Variants in KLRG2 observed in about 807,000 individuals in gnomAD.
KLRG2 encodes killer cell lectin-like receptor subfamily G member 2.
Under a neutral mutation model 35.4 loss-of-function variants are expected in KLRG2, and 39 were observed. The observed-to-expected ratio is 1.10, with a 90% confidence interval of 0.85 to 1.44. The LOEUF (loss-of-function observed/expected upper bound fraction) is 1.44. Ranked by LOEUF, KLRG2 falls within the 40% of genes most tolerant of loss-of-function variation. The probability of loss-of-function intolerance (pLI) is 0.00; values close to 1 mark genes in which losing one functional copy is unlikely to be tolerated. For synonymous variants in KLRG2, 283 were observed against 265.8 expected, an observed-to-expected ratio of 1.06 and a Z score of -0.63; for missense variants, 632 against 570.9, an observed-to-expected ratio of 1.11 and a Z score of -1.09.
the KLRG2 span, among the ~76,000 whole-genome samples, chr7:139,440,852 C>A: frequency 2.6e-5 from 4 of 152,200 alleles, no homozygotes; most frequent in African/African-American, 9.6e-5. Context: ...TCTATAACAG[C>A]AGGCTCTATT....
At chr7:139,480,364 C>T (rs1796934638) in intron 1 of KLRG2, 117 bp from the exon 2 acceptor site, 6 of 630,048 alleles carry the variant, frequency 9.5e-6, no homozygotes, top group Non-Finnish European at 1.7e-5. Context: ...CACCCACCCC[C>T]TCAGCCTGGG....
chr7:139,481,278 C>T (rs377556054), intron 1 of KLRG2, among the ~76,000 whole-genome samples: 2 of 152,168 alleles, frequency 1.3e-5, no homozygotes, highest in Non-Finnish European at 2.9e-5. Context: ...TCTGACTTAA[C>T]GGAACTGTAA....
At chr7:139,476,521 A>C (rs888676752) in intron 3 of KLRG2, among the ~76,000 whole-genome samples, 4 of 151,576 alleles carry the variant, frequency 2.6e-5, no homozygotes, top group Admixed American at 2.6e-4. Flanking sequence ...GGCTCACTGC[A>C]TCCTGTCTTC....
chr7:139,461,327 C>T (rs749603217), intron 3 of KLRG2, among the ~76,000 whole-genome samples: 65 of 152,094 alleles, frequency 4.3e-4, no homozygotes, highest in Non-Finnish European at 6.5e-4. Context: ...CTGAGCCAGG[C>T]CTTTGGTGCA....
At chr7:139,451,456 T>C (rs1308586236), downstream of KLRG2, among the ~76,000 whole-genome samples, 1 of 152,022 alleles carries the variant, frequency 6.6e-6, no homozygotes, top group Non-Finnish European at 1.5e-5. Context: ...GCCGAGACAG[T>C]GACACTGTGC....
chr7:139,443,085 GA>G, the KLRG2 span, among the ~76,000 whole-genome samples: 60 of 136,474 alleles, frequency 4.4e-4, 1 homozygote, highest in Middle Eastern at 3.9e-3. Context: ...AATGGAACAG[GA>G]AAAAAAACTT....
chr7:139,482,816 C>G, intron 1 of KLRG2, 70 bp downstream of exon 1: 1 of 1,306,166 alleles, frequency 7.7e-7, no homozygotes, highest in Non-Finnish European at 9.8e-7. Context: ...CAGGGCTGGG[C>G]GGGTGTGGGG....
the KLRG2 span, among the ~76,000 whole-genome samples, chr7:139,445,809 G>GTATATATATATATATGTAT: frequency 1.1e-5 from 1 of 89,612 alleles, no homozygotes; most frequent in African/African-American, 1.1e-4. Flanking sequence ...ATATATATAT[G>GTATATATATATATATGTAT]ACGGAGTTTT....
At chr7:139,466,626 A>G (rs973037812) in intron 3 of KLRG2, among the ~76,000 whole-genome samples, 3 of 151,936 alleles carry the variant, frequency 2.0e-5, no homozygotes, top group South Asian at 2.1e-4. Context: ...CCACCACACT[A>G]TCAATCTCAG....
the KLRG2 span, among the ~76,000 whole-genome samples, chr7:139,433,447 T>C: frequency 6.6e-6 from 1 of 152,096 alleles, no homozygotes; most frequent in African/African-American, 2.4e-5. Context: ...TGCCTCAGTC[T>C]CCCGAGTAGC....
chr7:139,437,845 A>G, the KLRG2 span, among the ~76,000 whole-genome samples: 1 of 152,220 alleles, frequency 6.6e-6, no homozygotes, highest in Non-Finnish European at 1.5e-5. Context: ...TCTCTGGTCC[A>G]GTTCTTTGCC....
At chr7:139,446,270 G>A in the KLRG2 span, among the ~76,000 whole-genome samples, 2 of 151,854 alleles carry the variant, frequency 1.3e-5, no homozygotes, top group African/African-American at 2.4e-5. Context: ...CAAAATCAGG[G>A]TGCCAGCAGA....
intron 3 of KLRG2, among the ~76,000 whole-genome samples, chr7:139,464,969 G>A (rs139818280): frequency 1.4e-4 from 21 of 152,266 alleles, no homozygotes; most frequent in Non-Finnish European, 2.8e-4. Context: ...TTACTGGCCC[G>A]GACTTCAATC....
the KLRG2 span, among the ~76,000 whole-genome samples, chr7:139,442,748 G>A: frequency 1.3e-5 from 2 of 152,164 alleles, no homozygotes; most frequent in Admixed American, 6.6e-5. Context: ...TCAGGAGGCT[G>A]AGCCCAGGAG....
At chr7:139,461,662 A>AC (rs1472642247) in intron 3 of KLRG2, among the ~76,000 whole-genome samples, 2 of 151,114 alleles carry the variant, frequency 1.3e-5, no homozygotes, top group African/African-American at 2.4e-5. Context: ...GCACCTTATG[A>AC]CCCCCGCCCC....
chr7:139,474,206 AGTAGAGATAGGGTATCACCATGTTGC>A (rs1407127167), intron 3 of KLRG2, among the ~76,000 whole-genome samples: 17 of 151,916 alleles, frequency 1.1e-4, no homozygotes, highest in African/African-American at 4.1e-4. Flanking sequence ...GTGTATTTTT[AGTAGAGATAGGGTATCACCATGTTGC>A]GTAGGCTGAT....
chr7:139,439,482 T>C, the KLRG2 span, among the ~76,000 whole-genome samples: 20,187 of 152,054 alleles, frequency 0.13, 2,487 homozygotes, highest in African/African-American at 0.33. Flanking sequence ...GAAAGGTGGG[T>C]GAGGCCAAGT....
chr7:139,431,572 C>A, the KLRG2 span, among the ~76,000 whole-genome samples: 1 of 152,152 alleles, frequency 6.6e-6, no homozygotes, highest in Non-Finnish European at 1.5e-5. Flanking sequence ...TACTGAAAAA[C>A]CAAATATCCA....
At chr7:139,476,151 C>T (rs182782473) in intron 3 of KLRG2, among the ~76,000 whole-genome samples, 1 of 151,974 alleles carries the variant, frequency 6.6e-6, no homozygotes, top group Non-Finnish European at 1.5e-5. Flanking sequence ...GTCTGTAATC[C>T]CAGCACTTAG....
Sources: allele counts gnomAD v4.1 joint callset (sites outside exome capture counted in the v4.1 genomes callset), GRCh38; gene constraint gnomAD v4.1.1; transcripts MANE v1.5; gene names NCBI Gene and HGNC (gene_info 2026-07-23, HGNC 2026-07-21).